The following DNAJC6 variants were observed in gnomAD, a reference collection of about 807,000 sequenced individuals.
DNAJC6 encodes the protein DnaJ heat shock protein family (Hsp40) member C6.
In DNAJC6, 34 loss-of-function variants were observed where a neutral mutation model predicts 110.0. That is an observed-to-expected ratio of 0.31 (90% CI 0.24 to 0.41). The LOEUF (loss-of-function observed/expected upper bound fraction) is 0.41. Ranked by LOEUF, DNAJC6 falls within the 10% of genes least tolerant of loss-of-function variation. The pLI, the probability that DNAJC6 is intolerant of heterozygous loss-of-function variation, is 1.00. For missense variants in DNAJC6, 1,031 were observed against 1,207.8 expected (o/e 0.85, Z 2.17); for synonymous variants, 406 against 437.2 (o/e 0.93, Z 0.89).
chr1:65,382,083 T>G (rs12403430), intron 5 of DNAJC6, among the ~76,000 whole-genome samples: 8,182 of 152,236 alleles, frequency 0.054, 344 homozygotes, highest in Admixed American at 0.1. Context: ...CCTGGAAAGT[T>G]GTAGGCTTGT....
chr1:65,356,579 A>C (rs1049462881), intron 1 of DNAJC6, among the ~76,000 whole-genome samples: 78 of 67,866 alleles, frequency 1.1e-3, no homozygotes, highest in Middle Eastern at 6.8e-3. Context: ...TAAATAAATA[A>C]ATAAATAAAA....
At chr1:65,381,067 C>T (rs1645817249) in intron 5 of DNAJC6, among the ~76,000 whole-genome samples, 1 of 150,948 alleles carries the variant, frequency 6.6e-6, no homozygotes, top group South Asian at 2.1e-4. Flanking sequence ...TACAGGCACG[C>T]ACCACCACAC....
intron 1 of DNAJC6, among the ~76,000 whole-genome samples, chr1:65,272,301 T>C (rs1020723613): frequency 3.3e-5 from 5 of 152,272 alleles, no homozygotes; most frequent in African/African-American, 9.6e-5. Flanking sequence ...TTCTGTATTA[T>C]GTGCATCATA....
chr1:65,289,838 T>G (rs1654141176), intron 1 of DNAJC6, among the ~76,000 whole-genome samples: 2 of 151,150 alleles, frequency 1.3e-5, no homozygotes, highest in Admixed American at 6.6e-5. Flanking sequence ...GAGACAGAGT[T>G]TCATTATGTT....
At chr1:65,349,578 A>G (rs1645472118) in intron 1 of DNAJC6, among the ~76,000 whole-genome samples, 2 of 152,112 alleles carry the variant, frequency 1.3e-5, no homozygotes, top group Non-Finnish European at 2.9e-5. Flanking sequence ...TGCTGTCTAT[A>G]AAGTTCTTGG....
intron 17 of DNAJC6, among the ~76,000 whole-genome samples, chr1:65,410,993 A>G (rs1390332216): frequency 6.6e-6 from 1 of 152,126 alleles, no homozygotes; most frequent in East Asian, 1.9e-4. Context: ...GATGGGAGAG[A>G]AAGGAATTCA....
At chr1:65,346,277 T>C (rs1166888477) in intron 1 of DNAJC6, among the ~76,000 whole-genome samples, 1 of 152,190 alleles carries the variant, frequency 6.6e-6, no homozygotes, top group Non-Finnish European at 1.5e-5. Context: ...GATGGAATAC[T>C]TGCTTTTGAA....
At chr1:65,317,611 C>T (rs1188627189) in intron 1 of DNAJC6, among the ~76,000 whole-genome samples, 1 of 152,196 alleles carries the variant, frequency 6.6e-6, no homozygotes, top group African/African-American at 2.4e-5. Flanking sequence ...GCCTCCTGTG[C>T]AGTGTTAAGT....
At chr1:65,354,088 A>T (rs898386463) in intron 1 of DNAJC6, among the ~76,000 whole-genome samples, 3 of 152,134 alleles carry the variant, frequency 2.0e-5, no homozygotes, top group African/African-American at 7.2e-5. Context: ...GAGGCATGAA[A>T]CATGCTTCTT....
intron 1 of DNAJC6, among the ~76,000 whole-genome samples, chr1:65,319,381 C>G (rs1473522983): frequency 6.6e-6 from 1 of 152,088 alleles, no homozygotes; most frequent in African/African-American, 2.4e-5. Context: ...CCTGTGTTTG[C>G]CTGGAGGAAG....
At chr1:65,410,239 A>G (rs375431723) in intron 17 of DNAJC6, among the ~76,000 whole-genome samples, 1 of 152,222 alleles carries the variant, frequency 6.6e-6, no homozygotes, top group African/African-American at 2.4e-5. Flanking sequence ...CTGAAAACAT[A>G]TACCACCGTT....
chr1:65,385,951 C>G (rs1160300563), intron 7 of DNAJC6, 45 bp downstream of exon 7: 2 of 1,469,444 alleles, frequency 1.4e-6, no homozygotes, highest in Non-Finnish European at 1.8e-6. Context: ...TCTCAATTCT[C>G]ATGTAAATGA....
chr1:65,280,911 TA>T (rs967402776), intron 1 of DNAJC6, among the ~76,000 whole-genome samples: 1 of 151,978 alleles, frequency 6.6e-6, no homozygotes, highest in African/African-American at 2.4e-5. Flanking sequence ...ATTACATGGC[TA>T]AAAAAAATTA....
intron 1 of DNAJC6, among the ~76,000 whole-genome samples, chr1:65,346,660 T>C (rs1645439881): frequency 1.3e-5 from 2 of 152,236 alleles, no homozygotes; most frequent in South Asian, 4.1e-4. Context: ...ACTGTAATAC[T>C]CATCTTTCAG....
intron 4 of DNAJC6, among the ~76,000 whole-genome samples, chr1:65,375,978 TAA>T (rs1409253138): frequency 6.6e-6 from 1 of 152,256 alleles, no homozygotes; most frequent in Non-Finnish European, 1.5e-5. Flanking sequence ...CATTCTTTTT[TAA>T]ATATTTGGTA....
chr1:65,276,390 A>G (rs1653670960), intron 1 of DNAJC6, among the ~76,000 whole-genome samples: 1 of 152,148 alleles, frequency 6.6e-6, no homozygotes, highest in Middle Eastern at 3.2e-3. Flanking sequence ...GTGTATGAAG[A>G]TGCTCTGGAT....
At chr1:65,374,294 G>GTTT (rs149993478) in intron 4 of DNAJC6, among the ~76,000 whole-genome samples, 91 of 151,172 alleles carry the variant, frequency 6.0e-4, no homozygotes, top group South Asian at 2.1e-3. Context: ...ACATTTTAGG[G>GTTT]GTTTTTTTTT....
At chr1:65,283,639 A>T (rs1247652021) in intron 1 of DNAJC6, among the ~76,000 whole-genome samples, 3 of 152,236 alleles carry the variant, frequency 2.0e-5, no homozygotes, top group Non-Finnish European at 4.4e-5. Context: ...CCTGTGTGAA[A>T]GTAAGTCTTC....
intron 1 of DNAJC6, among the ~76,000 whole-genome samples, chr1:65,324,213 T>A (rs1645221140): frequency 6.6e-6 from 1 of 152,118 alleles, no homozygotes; most frequent in Admixed American, 6.5e-5. Flanking sequence ...TCTCACTCTG[T>A]CACCCAGGCA....
Sources: gnomAD v4.1 joint callset for allele counts (sites outside exome capture counted in the v4.1 genomes callset) on GRCh38, gnomAD v4.1.1 for gene constraint, MANE v1.5 for transcripts, NCBI Gene and HGNC (gene_info 2026-07-23, HGNC 2026-07-21) for gene names.